The following PRELID2 variants were observed in gnomAD, a reference collection of about 807,000 sequenced individuals.
PRELID2 encodes PRELI domain containing 2.
PRELID2 carries 25 observed loss-of-function variants against 28.4 expected under a neutral mutation model. The observed-to-expected ratio is 0.88, with a 90% confidence interval of 0.64 to 1.23. The LOEUF is 1.23. PRELID2 is among the 50% of genes most tolerant of loss of function. The pLI is 0.00. For missense variants in PRELID2, 201 were observed against 214.4 expected (o/e 0.94, Z 0.39); for synonymous variants, 76 against 71.6 (o/e 1.06, Z -0.31).
Position 145,835,276 on chromosome 5 carries a change from A to G in PRELID2, c.-25T>C, listed in dbSNP as rs1191902168. ...TCCCCGCGCGCCGCGGGCCCCGCGCACCGGCCACGCCTCCGCGAGCTCAGA... is the reference window on the plus strand; with the variant it reads ...TCCCCGCGCGCCGCGGGCCCCGCGCGCCGGCCACGCCTCCGCGAGCTCAGA... On this transcript the variant is annotated 5_prime_UTR_variant, in exon 1 of 7. Coordinates refer to ENST00000683046, the MANE Select transcript of PRELID2 (RefSeq NM_205846.3). 1.8e-5 allele frequency: 28 copies of G among 1,523,098 alleles called. No individual in the cohort carries two copies. Among genetic ancestry groups the G allele is most frequent in the Non-Finnish European group, 2.4e-5 (27 of 1,125,282 alleles). The allele number at this position is 1,523,098 out of a possible 1,614,324, so 94.3% of individuals were successfully genotyped here.
the PRELID2 span, among the ~76,000 whole-genome samples, chr5:145,279,602 A>G: frequency 6.6e-6 from 1 of 152,208 alleles, no homozygotes; most frequent in Admixed American, 6.6e-5. Context: ...CCTAAAATTA[A>G]CATTATAATT....
At chr5:145,237,150 T>C in the PRELID2 span, among the ~76,000 whole-genome samples, 5 of 152,158 alleles carry the variant, frequency 3.3e-5, no homozygotes, top group African/African-American at 1.2e-4. Flanking sequence ...GCCTGTGTCC[T>C]GCCATGCAGC....
the PRELID2 span, among the ~76,000 whole-genome samples, chr5:145,285,945 C>T: frequency 6.6e-6 from 1 of 152,188 alleles, no homozygotes; most frequent in African/African-American, 2.4e-5. Flanking sequence ...AGGCTAAGGA[C>T]TGGTTGCTGT....
At chr5:145,298,194 G>C in the PRELID2 span, among the ~76,000 whole-genome samples, 3 of 152,120 alleles carry the variant, frequency 2.0e-5, no homozygotes, top group African/African-American at 7.2e-5. Context: ...AAAGCTGGAG[G>C]CATCATGCTA....
At chr5:145,508,257 C>CAGATAGATAGAT (rs58785072) in intron 1 of PRELID2, among the ~76,000 whole-genome samples, 7,210 of 149,558 alleles carry the variant, frequency 0.048, 212 homozygotes, top group East Asian at 0.1. Context: ...TTTGCATAGA[C>CAGATAGATAGAT]AGATAGATAG....
At chr5:145,625,765 TAAA>T (rs1348761960) in intron 1 of PRELID2, among the ~76,000 whole-genome samples, 2 of 152,150 alleles carry the variant, frequency 1.3e-5, no homozygotes, top group East Asian at 3.9e-4. Flanking sequence ...ATGTATACTT[TAAA>T]TAGAGTGACC....
At chr5:145,695,313 C>G (rs567654172) in intron 1 of PRELID2, among the ~76,000 whole-genome samples, 18 of 152,232 alleles carry the variant, frequency 1.2e-4, no homozygotes, top group Non-Finnish European at 2.2e-4. Flanking sequence ...AAAGAACGTG[C>G]GCAAAAGCCC....
chr5:145,639,950 T>C (rs1754070202), intron 1 of PRELID2, among the ~76,000 whole-genome samples: 1 of 152,176 alleles, frequency 6.6e-6, no homozygotes, highest in South Asian at 2.1e-4. Context: ...GAAAAGGGCA[T>C]GTGTTTTTCA....
chr5:145,338,270 G>T, the PRELID2 span: 1 of 152,136 alleles, frequency 6.6e-6, no homozygotes, highest in East Asian at 1.9e-4. Context: ...ACTCTTATTT[G>T]CTTGCTGGAT....
chr5:145,639,571 C>T (rs968607795), intron 1 of PRELID2, among the ~76,000 whole-genome samples: 6 of 152,154 alleles, frequency 3.9e-5, no homozygotes, highest in South Asian at 2.1e-4. Context: ...AGCTTACAAA[C>T]ATAGTACCTC....
chr5:145,749,565 A>G (rs769119715), intron 1 of PRELID2, among the ~76,000 whole-genome samples: 3 of 152,342 alleles, frequency 2.0e-5, no homozygotes, highest in Admixed American at 2.0e-4. Flanking sequence ...GCGATTCCCC[A>G]AAGATCTAGA....
intron 1 of PRELID2, among the ~76,000 whole-genome samples, chr5:145,502,784 C>T (rs1454619937): frequency 6.6e-6 from 1 of 151,818 alleles, no homozygotes; most frequent in Non-Finnish European, 1.5e-5. Flanking sequence ...CATGGCTATG[C>T]TGCCCAATAG....
intron 5 of PRELID2, among the ~76,000 whole-genome samples, chr5:145,770,992 C>A (rs936509989): frequency 1.5e-4 from 23 of 152,124 alleles, no homozygotes; most frequent in African/African-American, 5.6e-4. Flanking sequence ...GTTTATAAAT[C>A]TGTAGTAATG....
chr5:145,249,937 G>GTCTC, the PRELID2 span, among the ~76,000 whole-genome samples: 3,621 of 138,654 alleles, frequency 0.026, 61 homozygotes, highest in Middle Eastern at 0.06. Flanking sequence ...CTCTCTCTCT[G>GTCTC]TCTCTCTCTC....
At chr5:145,306,207 G>C in the PRELID2 span, among the ~76,000 whole-genome samples, 1 of 152,284 alleles carries the variant, frequency 6.6e-6, no homozygotes, top group Admixed American at 6.5e-5. Flanking sequence ...ACAGTATTAA[G>C]CAATAAATAT....
At chr5:145,634,116 G>T (rs1173642287) in intron 1 of PRELID2, among the ~76,000 whole-genome samples, 2 of 152,134 alleles carry the variant, frequency 1.3e-5, no homozygotes, top group African/African-American at 4.8e-5. Context: ...TTTCTTCCAG[G>T]GTGGTACATT....
the PRELID2 span, among the ~76,000 whole-genome samples, chr5:145,272,560 G>A: frequency 1.3e-5 from 2 of 152,104 alleles, no homozygotes; most frequent in South Asian, 2.1e-4. Flanking sequence ...AGATTGGTGA[G>A]ATTCAAATCC....
intron 1 of PRELID2, among the ~76,000 whole-genome samples, chr5:145,701,774 G>A (rs887874230): frequency 4.6e-5 from 7 of 152,232 alleles, no homozygotes; most frequent in South Asian, 2.1e-4. Context: ...ATTGAAGGCC[G>A]GGCGCAGTGG....
chr5:145,608,760 C>T (rs935730197), intron 1 of PRELID2, among the ~76,000 whole-genome samples: 2 of 152,120 alleles, frequency 1.3e-5, no homozygotes, highest in African/African-American at 4.8e-5. Flanking sequence ...GGGTTATCTG[C>T]ATTTCCTGAA....
Sources: gnomAD v4.1 joint callset for allele counts (sites outside exome capture counted in the v4.1 genomes callset) on GRCh38, gnomAD v4.1.1 for gene constraint, MANE v1.5 for transcripts, NCBI Gene and HGNC (gene_info 2026-07-23, HGNC 2026-07-21) for gene names.